The following GPR180 variants were observed in gnomAD, a reference collection of about 807,000 sequenced individuals.
GPR180 encodes the protein G protein-coupled receptor 180.
GPR180 carries 53 observed loss-of-function variants against 52.6 expected under a neutral mutation model. That is an observed-to-expected ratio of 1.01 (90% confidence interval 0.81 to 1.27). GPR180 has a LOEUF of 1.27. Among genes scored for constraint, GPR180 ranks in the 50% most tolerant of loss-of-function variants. The pLI is 0.00. For synonymous variants in GPR180, 200 were observed against 193.1 expected, an observed-to-expected ratio of 1.04 and a Z score of -0.30; for missense variants, 533 against 527.0, an observed-to-expected ratio of 1.01 and a Z score of -0.11.
At chr13:94,611,849 C>A (rs1889710098) in intron 2 of GPR180, among the ~76,000 whole-genome samples, 1 of 151,486 alleles carries the variant, frequency 6.6e-6, no homozygotes, top group Admixed American at 6.6e-5. Flanking sequence ...ACAGAGGAGG[C>A]CCCTCCCATC....
intron 7 of GPR180, among the ~76,000 whole-genome samples, chr13:94,623,701 A>G (rs1411092948): frequency 6.6e-6 from 1 of 151,510 alleles, no homozygotes; most frequent in East Asian, 1.9e-4. Context: ...AAAAAAAAAA[A>G]CTTCTGTTAT....
chr13:94,619,226 G>T lies in GPR180; in HGVS notation c.582G>T (p.Gln194His), dbSNP rs1421798290. The change falls in exon 4 of 9, where the codon CAG becomes CAT. Residue 194 changes from glutamine to histidine, a missense_variant. Physicochemically the swap from Gln to His is conservative, Grantham distance 24. Coordinates refer to ENST00000376958, the MANE Select transcript of GPR180 (RefSeq NM_180989.6). ...GCATTTATGCTCAATCATTGTGGCAGGCTATTAAGAAAGGCGGACCCATGC... is the reference window on the plus strand; with the variant it reads ...GCATTTATGCTCAATCATTGTGGCATGCTATTAAGAAAGGCGGACCCATGC... ...IACIYAQSLW[Q>H]AIKKGGPMHM... 4.3e-6 allele frequency: 7 copies of T among 1,613,942 alleles called. No individual in the cohort carries two copies. Among genetic ancestry groups the T allele is most frequent in the Admixed American group, 3.3e-5 (2 of 60,008 alleles).
chr13:94,624,682 C>G (rs1889900979), intron 7 of GPR180, among the ~76,000 whole-genome samples: 1 of 152,028 alleles, frequency 6.6e-6, no homozygotes, highest in African/African-American at 2.4e-5. Flanking sequence ...CTCAGCCTCC[C>G]GAGTAACTCG....
intron 7 of GPR180, among the ~76,000 whole-genome samples, chr13:94,624,217 A>AT (rs1889893050): frequency 6.6e-6 from 1 of 152,080 alleles, no homozygotes; most frequent in Admixed American, 6.5e-5. Flanking sequence ...AGAAGGTTTC[A>AT]TTTTTCTGTC....
chr13:94,612,229 A>G lies in GPR180; in HGVS notation c.344A>G (p.Gln115Arg), dbSNP rs754636344. 6.2e-7 allele frequency: 1 copy of G among 1,614,184 alleles called. No homozygotes were observed. Among genetic ancestry groups the G allele is most frequent in the Non-Finnish European group, 8.5e-7 (1 of 1,180,006 alleles). The stretch of plus-strand genomic sequence containing the variant: ...ACCGAACATAATCTGACAGTGTCCC[A>G]GATTCCGTCTCCACAAACGTGGCAT... Reference protein sequence around the residue: ...NQTEHNLTVSQIPSPQTWHVF... With the variant: ...NQTEHNLTVSRIPSPQTWHVF... Residue 115 changes from glutamine (Q) to arginine (R), a missense_variant, in exon 3 of 9, where the codon CAG (glutamine) becomes CGG (arginine). Gln to Arg is a conservative substitution (Grantham distance 43). Transcript: ENST00000376958.
At chr13:94,606,139 G>GA (rs1481760235) in intron 2 of GPR180, among the ~76,000 whole-genome samples, 1 of 152,004 alleles carries the variant, frequency 6.6e-6, no homozygotes, top group Non-Finnish European at 1.5e-5. Flanking sequence ...TAAAAATACA[G>GA]AAAAAAATTA....
intron 5 of GPR180, among the ~76,000 whole-genome samples, chr13:94,619,835 A>G (rs1023008881): frequency 6.6e-6 from 1 of 152,126 alleles, no homozygotes; most frequent in Non-Finnish European, 1.5e-5. Context: ...CTCCTGCCTC[A>G]GGCCTTCCCA....
intron 7 of GPR180, among the ~76,000 whole-genome samples, chr13:94,624,458 T>C (rs748713412): frequency 3.3e-5 from 5 of 152,248 alleles, no homozygotes; most frequent in African/African-American, 9.6e-5. Flanking sequence ...CAAGAAGATG[T>C]CATCCTGCCT....
At chr13:94,608,366 G>A (rs1889660306) in intron 2 of GPR180, among the ~76,000 whole-genome samples, 1 of 152,140 alleles carries the variant, frequency 6.6e-6, no homozygotes, top group African/African-American at 2.4e-5. Context: ...ACCTTCTGCT[G>A]TTGTTTCTTT....
At position 94,623,190 on chromosome 13, in the gene GPR180, C is replaced by G; in HGVS notation, c.976C>G (p.Leu326Val). 1 of 1,613,900 alleles carries G rather than the reference C, an allele frequency of 6.2e-7. No homozygotes were observed. Among genetic ancestry groups the G allele is most frequent in the Non-Finnish European group, 8.5e-7 (1 of 1,179,838 alleles). The change falls in exon 7 of 9, where the codon CTA (leucine) becomes GTA (valine). Residue 326 changes from leucine (L) to valine (V), a missense_variant. Transcript: ENST00000376958. ...HSHHNLAGIL[L>V]IVLRICLALS... Reference sequence around the variant, plus strand: ...ACACCACAACTTAGCAGGGATCCTCCTAATTGTTCTAAGAATTTGCCTAGC... The same window carrying G: ...ACACCACAACTTAGCAGGGATCCTCGTAATTGTTCTAAGAATTTGCCTAGC...
chr13:94,605,393 G>A lies in GPR180; in HGVS notation c.148G>A (p.Asp50Asn). ...QRIGHFEFHG[D>N]HALLCVRINN... The stretch of plus-strand genomic sequence containing the variant: ...ATGATTTTTGTTTTAATGTCAAGGT[G>A]ACCATGCTCTTCTGTGTGTCAGAAT... The change falls in exon 2 of 9, where the codon GAC becomes AAC. Residue 50 changes from aspartate to asparagine, a missense_variant and splice_region_variant. By Grantham distance (23) the Asp-to-Asn change is conservative. Coordinates refer to ENST00000376958, the MANE Select transcript of GPR180 (RefSeq NM_180989.6). The A allele has an allele frequency of 6.2e-7, 1 of 1,613,830 alleles. No individual in the cohort carries two copies. Among genetic ancestry groups the A allele is most frequent in the Non-Finnish European group, 8.5e-7 (1 of 1,179,920 alleles).
At chr13:94,603,745 A>G (rs934546552) in intron 1 of GPR180, among the ~76,000 whole-genome samples, 5 of 152,064 alleles carry the variant, frequency 3.3e-5, no homozygotes, top group South Asian at 2.1e-4. Context: ...AAAAGCATAG[A>G]AAAAAAATTT....
At chr13:94,606,400 C>T (rs568127551) in intron 2 of GPR180, among the ~76,000 whole-genome samples, 5 of 152,302 alleles carry the variant, frequency 3.3e-5, no homozygotes, top group South Asian at 2.1e-4. Context: ...GGCTTAAATC[C>T]GTGATCCCAT....
intron 5 of GPR180, among the ~76,000 whole-genome samples, chr13:94,619,792 A>G (rs1566980825): frequency 6.6e-6 from 1 of 152,198 alleles, no homozygotes. Context: ...GTCACGGCTC[A>G]CTGCAGCCTC....
Position 94,602,050 on chromosome 13 carries a change from C to A in GPR180, c.123C>A (p.Arg41=). Residue 41 remains arginine, a synonymous_variant, in exon 1 of 9, where the codon CGC becomes CGA. Transcript: ENST00000376958. The part of the protein sequence containing the change: ...STAAQDAQGQ[R]IGHFEFHGDH... ...CGGCCCAGGACGCCCAGGGCCAGCG[C>A]ATCGGCCACTTCGAGTTCCATGGTA... The A allele has an allele frequency of 7.0e-7, 1 of 1,418,614 alleles. No homozygotes were observed. Among genetic ancestry groups the A allele is most frequent in the African/African-American group, 1.5e-5 (1 of 68,330 alleles). 87.9% of individuals were successfully genotyped at this position (1,418,614 alleles called of 1,614,324 possible). A position where few individuals can be genotyped will look rare whatever the true frequency, so the allele number is the denominator to read the frequency against.
chr13:94,612,338 A>G lies in GPR180; in HGVS notation c.453A>G (p.Leu151=), dbSNP rs1889718137. Residue 151 remains leucine (L), a synonymous_variant, in exon 3 of 9, where the codon CTA becomes CTG. Transcript: ENST00000376958. ...VEDIPFEMVL[L]NPDAEGNPFD... is the part of the protein sequence containing the mutation. ...ATATCCCATTTGAAATGGTGTTACT[A>G]AACCCAGATGCCGAAGGGAATCCAT... 12 of 1,613,728 alleles carry G rather than the reference A, an allele frequency of 7.4e-6. No homozygotes were observed. In the East Asian group the frequency reaches 2.7e-4, roughly 36 times the overall value.
intron 7 of GPR180, 38 bp from the exon 8 acceptor site, chr13:94,625,928 A>G: frequency 6.6e-7 from 1 of 1,519,738 alleles, no homozygotes; most frequent in Non-Finnish European, 9.1e-7. Flanking sequence ...AAAAAAAGCT[A>G]CACAGTTCTA....
At chr13:94,603,989 C>T (rs373746250) in intron 1 of GPR180, among the ~76,000 whole-genome samples, 231 of 152,196 alleles carry the variant, frequency 1.5e-3, no homozygotes, top group African/African-American at 5.4e-3. Context: ...CCTGTAATCC[C>T]ACCACTTTGG....
chr13:94,616,004 A>G (rs1378092432), intron 3 of GPR180, among the ~76,000 whole-genome samples: 5 of 152,174 alleles, frequency 3.3e-5, no homozygotes, highest in Admixed American at 2.0e-4. Context: ...CGGCTTCTCC[A>G]GGGTGGTTTA....
Sources: gnomAD v4.1 joint callset for allele counts (sites outside exome capture counted in the v4.1 genomes callset) on GRCh38, gnomAD v4.1.1 for gene constraint, MANE v1.5 for transcripts, NCBI Gene and HGNC (gene_info 2026-07-23, HGNC 2026-07-21) for gene names.